The following LUZP2 variants were observed in gnomAD, a reference collection of about 807,000 sequenced individuals.
The protein encoded by LUZP2 is leucine zipper protein 2.
LUZP2 carries 52 observed loss-of-function variants against 51.6 expected under a neutral mutation model. The observed-to-expected ratio is 1.01, with a 90% confidence interval of 0.81 to 1.27. The LOEUF (loss-of-function observed/expected upper bound fraction) is 1.27. Among genes scored for constraint, LUZP2 ranks in the 50% most tolerant of loss-of-function variants. LUZP2 has a pLI of 0.00. For missense variants in LUZP2, 436 were observed against 395.4 expected, an observed-to-expected ratio of 1.10 and a Z score of -0.87; for synonymous variants, 154 against 137.3, an observed-to-expected ratio of 1.12 and a Z score of -0.85.
chr11:24,530,318 G>A lies in LUZP2; in HGVS notation c.62+33013G>A, dbSNP rs192352295. On this transcript the variant is annotated intron_variant, in intron 1 of 11. Coordinates refer to ENST00000336930, the MANE Select transcript of LUZP2 (RefSeq NM_001009909.4). ...TTGACAATTTTTCTGCTCGACATCT[G>A]TAATAGTTGTTAAGTCTACATCTGA... is the stretch of plus-strand genomic sequence containing the variant. 2.7e-5 allele frequency among the ~76,000 whole-genome samples: 4 copies of A among 150,936 alleles called. 1 individual carries two copies. The Admixed American group carries it at 2.7e-4, about 10-fold the overall frequency.
chr11:24,846,596 T>C (rs1208692598), intron 5 of LUZP2, among the ~76,000 whole-genome samples: 1 of 152,122 alleles, frequency 6.6e-6, no homozygotes, highest in African/African-American at 2.4e-5. Context: ...TTAAAGAGAA[T>C]GAATCTGTAA....
intron 8 of LUZP2, among the ~76,000 whole-genome samples, chr11:24,981,500 A>G (rs764123123): frequency 6.6e-6 from 1 of 151,648 alleles, no homozygotes. Flanking sequence ...TTTATGACCT[A>G]TATCTCGTGT....
chr11:24,602,171 T>TATATGTATATATGTAC lies in LUZP2; in HGVS notation c.62+104870_62+104871insGTATATATGTACATAT, dbSNP rs1565020601. On this transcript the variant is annotated intron_variant, in intron 1 of 11. Transcript: ENST00000336930. Reference sequence around the variant, plus strand: ...ATATGTATATATGTATATATGTGTATATATATGTGTATATATGTATATATG... The same window carrying TATATGTATATATGTAC: ...ATATGTATATATGTATATATGTGTATATATGTATATATGTACATATATGTGTATATATGTATATATG... Among the ~76,000 whole-genome samples, 168 of 74,776 alleles carry TATATGTATATATGTAC rather than the reference T, an allele frequency of 2.2e-3. 2 individuals are homozygous for TATATGTATATATGTAC. The highest frequency in any genetic ancestry group is 7.0e-3 in the African/African-American group (114 of 16,188). The allele number at this position is 74,776 out of a possible 152,430, so 49.1% of individuals were successfully genotyped here.
At chr11:24,858,574 G>A (rs1157054629) in intron 5 of LUZP2, among the ~76,000 whole-genome samples, 2 of 152,030 alleles carry the variant, frequency 1.3e-5, no homozygotes. Context: ...GAGCATTTGG[G>A]ACAATAAAAG....
chr11:24,994,558 A>G (rs931160685), intron 9 of LUZP2, among the ~76,000 whole-genome samples: 1 of 152,170 alleles, frequency 6.6e-6, no homozygotes, highest in Non-Finnish European at 1.5e-5. Context: ...GAGGAAGTGG[A>G]TTCCTCCAGC....
intron 5 of LUZP2, among the ~76,000 whole-genome samples, chr11:24,846,457 G>T (rs989891904): frequency 6.6e-6 from 1 of 151,556 alleles, no homozygotes; most frequent in Non-Finnish European, 1.5e-5. Context: ...AAAATATTTT[G>T]AAAAAAAGTA....
chr11:24,574,211 C>CCTTT (rs1169525307), intron 1 of LUZP2, among the ~76,000 whole-genome samples: 530 of 6,042 alleles, frequency 0.088, 13 homozygotes, highest in African/African-American at 0.1. Context: ...TTTCTTCCTT[C>CCTTT]CTTTCTTTCT....
intron 10 of LUZP2, among the ~76,000 whole-genome samples, chr11:25,073,960 G>A (rs574629237): frequency 2.0e-5 from 3 of 152,200 alleles, no homozygotes; most frequent in East Asian, 1.9e-4. Flanking sequence ...CAAAGAACCC[G>A]AAGCCCAGCG....
intron 1 of LUZP2, among the ~76,000 whole-genome samples, chr11:24,573,868 T>A (rs1176970663): frequency 3.3e-5 from 5 of 151,798 alleles, no homozygotes; most frequent in Non-Finnish European, 7.4e-5. Flanking sequence ...GTTTTATTTT[T>A]TTTATTTTTT....
intron 1 of LUZP2, among the ~76,000 whole-genome samples, chr11:24,705,773 T>A (rs925386718): frequency 6.6e-6 from 1 of 152,194 alleles, no homozygotes; most frequent in Non-Finnish European, 1.5e-5. Context: ...CATTTTACAT[T>A]TTCAAGATTG....
At position 24,749,087 on chromosome 11, in the gene LUZP2, C is replaced by T. The variant is rs980109500; in HGVS notation, c.333+10785C>T. Among the ~76,000 whole-genome samples the T allele has an allele frequency of 7.2e-5, 11 of 152,256 alleles. No individual in the cohort carries two copies. In the East Asian group the frequency reaches 2.1e-3, roughly 29 times the overall value. On this transcript the variant is annotated intron_variant, in intron 4 of 11. Transcript: ENST00000336930. ...ACGTTAACAAATGTACATAGCCATA[C>T]CCCCTTCTAAGGATGTAGTTAGAAA...
intron 10 of LUZP2, among the ~76,000 whole-genome samples, chr11:25,050,607 A>C (rs1356923191): frequency 6.6e-6 from 1 of 152,036 alleles, no homozygotes; most frequent in African/African-American, 2.4e-5. Context: ...CCTGGCCGTA[A>C]ATGTTCTTTT....
chr11:24,601,938 GTATATATGTATAAA>G (rs1853665900), intron 1 of LUZP2, among the ~76,000 whole-genome samples: 2 of 135,250 alleles, frequency 1.5e-5, no homozygotes, highest in African/African-American at 5.6e-5. Context: ...ATGTATATAT[GTATATATGTATAAA>G]TGTATATATG....
At chr11:24,644,426 C>T (rs1235642025) in intron 1 of LUZP2, among the ~76,000 whole-genome samples, 1 of 152,034 alleles carries the variant, frequency 6.6e-6, no homozygotes, top group Non-Finnish European at 1.5e-5. Flanking sequence ...TCCTCATCTG[C>T]TTTCCTCCTG....
chr11:24,706,535 C>T (rs1352504364), intron 1 of LUZP2, among the ~76,000 whole-genome samples: 2 of 152,124 alleles, frequency 1.3e-5, no homozygotes, highest in Non-Finnish European at 2.9e-5. Context: ...TCCTGTGCGG[C>T]CTTCTCTCAG....
intron 9 of LUZP2, among the ~76,000 whole-genome samples, chr11:25,034,136 A>G (rs1239979347): frequency 6.6e-6 from 1 of 152,040 alleles, no homozygotes; most frequent in Non-Finnish European, 1.5e-5. Flanking sequence ...TTGGTGTGTG[A>G]AATAATTTTG....
At chr11:25,035,392 T>A (rs1167747428) in intron 9 of LUZP2, among the ~76,000 whole-genome samples, 1 of 151,898 alleles carries the variant, frequency 6.6e-6, no homozygotes, top group Non-Finnish European at 1.5e-5. Flanking sequence ...ACATCAACAA[T>A]GTCCAGGCTG....
chr11:24,925,488 C>T (rs868795269), intron 7 of LUZP2, among the ~76,000 whole-genome samples: 1 of 152,112 alleles, frequency 6.6e-6, no homozygotes, highest in African/African-American at 2.4e-5. Flanking sequence ...TCAAAATCAA[C>T]CCAACTTTGT....
chr11:24,839,210 G>GAAAT (rs1358041667), intron 5 of LUZP2, among the ~76,000 whole-genome samples: 1 of 151,464 alleles, frequency 6.6e-6, no homozygotes, highest in Non-Finnish European at 1.5e-5. Flanking sequence ...AATTAGTCTA[G>GAAAT]GAATGATTCT....
Sources: allele counts gnomAD v4.1 joint callset (sites outside exome capture counted in the v4.1 genomes callset), GRCh38; gene constraint gnomAD v4.1.1; transcripts MANE v1.5; gene names NCBI Gene and HGNC (gene_info 2026-07-23, HGNC 2026-07-21).